The following TRPC5 variants were observed in gnomAD, a reference collection of about 807,000 sequenced individuals.
The protein encoded by TRPC5 is transient receptor potential cation channel subfamily C member 5, also known as short transient receptor potential channel 5.
TRPC5 carries 9 observed loss-of-function variants against 56.5 expected under a neutral mutation model. That is an observed-to-expected ratio of 0.16 (90% CI 0.10 to 0.28). The LOEUF (loss-of-function observed/expected upper bound fraction) is 0.28, where lower values mean the gene tolerates loss of function less well. Among genes scored for constraint, TRPC5 ranks in the 10% least tolerant of loss-of-function variants. TRPC5 has a pLI of 1.00. For synonymous variants in TRPC5, 282 were observed against 278.5 expected (o/e 1.01, Z -0.13); for missense variants, 469 against 748.9 (o/e 0.63, Z 4.36).
chrX:112,071,309 AAAATAAATAAATAAAT>A (rs199726256), intron 1 of TRPC5, among the ~76,000 whole-genome samples: 9,235 of 105,124 alleles, frequency 0.088, 1,117 homozygotes, highest in African/African-American at 0.31. Context: ...CCCTGTCTCA[AAAATAAATAAATAAAT>A]AAATAAATAA....
chrX:111,989,758 C>A (rs1010027398), intron 1 of TRPC5, among the ~76,000 whole-genome samples: 1 of 112,109 alleles, frequency 8.9e-6, no homozygotes, highest in Non-Finnish European at 1.9e-5. Context: ...GAATACTGAA[C>A]TGCAGTTAAA....
chrX:112,029,784 T>C (rs1278243351), intron 1 of TRPC5, among the ~76,000 whole-genome samples: 1 of 110,694 alleles, frequency 9.0e-6, no homozygotes, highest in African/African-American at 3.3e-5. Context: ...TACTCAAAAT[T>C]AGAAGAAAGG....
intron 1 of TRPC5, among the ~76,000 whole-genome samples, chrX:112,079,305 T>G (rs746927084): frequency 8.9e-6 from 1 of 112,147 alleles, no homozygotes; most frequent in Non-Finnish European, 1.9e-5. Flanking sequence ...CAGGAAAGCA[T>G]CATGACACAT....
chrX:111,847,857 A>G (rs1922976103), intron 5 of TRPC5, among the ~76,000 whole-genome samples: 2 of 110,608 alleles, frequency 1.8e-5, no homozygotes, highest in African/African-American at 6.6e-5. Context: ...TACTTCCTCA[A>G]TCCCTCACTG....
At chrX:111,884,407 G>A (rs752124251) in intron 3 of TRPC5, among the ~76,000 whole-genome samples, 5 of 112,198 alleles carry the variant, frequency 4.5e-5, no homozygotes, top group African/African-American at 6.5e-5. Flanking sequence ...GTATACCCAG[G>A]GCCCAAGCCT....
At position 111,793,654 on chromosome X, in the gene TRPC5, T is replaced by C. The variant is rs145853160; in HGVS notation, c.1897-11516A>G. 5.5e-3 allele frequency among the ~76,000 whole-genome samples: 614 copies of C among 111,946 alleles called. 6 individuals carry two copies. The highest frequency in any genetic ancestry group is 0.018 in the African/African-American group (547 of 30,822). On this transcript the variant is annotated intron_variant, in intron 7 of 10. Coordinates refer to ENST00000262839, the MANE Select transcript of TRPC5 (RefSeq NM_012471.3). ...GAAAGCAGTATGGTTGCTACTCAAA[T>C]TGTTAAACATAGAGCTACCACATGA...
At chrX:111,944,477 A>G (rs144764395) in intron 2 of TRPC5, among the ~76,000 whole-genome samples, 12 of 110,808 alleles carry the variant, frequency 1.1e-4, no homozygotes, top group Non-Finnish European at 2.3e-4. Context: ...GTTTAGACAA[A>G]TATTTCTCAT....
chrX:111,867,087 T>C (rs765932394), intron 3 of TRPC5, among the ~76,000 whole-genome samples: 35 of 111,510 alleles, frequency 3.1e-4, no homozygotes, highest in African/African-American at 1.1e-3. Context: ...AGGACAATAA[T>C]GTTTGTGTTC....
intron 1 of TRPC5, among the ~76,000 whole-genome samples, chrX:111,960,539 G>C (rs1927350747): frequency 8.9e-6 from 1 of 112,039 alleles, no homozygotes; most frequent in Non-Finnish European, 1.9e-5. Context: ...GATATTCTTT[G>C]AAGTAGTCAA....
chrX:111,969,678 A>G (rs1927724819), intron 1 of TRPC5, among the ~76,000 whole-genome samples: 1 of 111,072 alleles, frequency 9.0e-6, no homozygotes, highest in South Asian at 3.8e-4. Flanking sequence ...AACTTTTATT[A>G]TATGTGGGGT....
intron 2 of TRPC5, among the ~76,000 whole-genome samples, chrX:111,928,212 C>T (rs1926312055): frequency 9.0e-6 from 1 of 111,130 alleles, no homozygotes; most frequent in African/African-American, 3.3e-5. Flanking sequence ...ACACAATGGC[C>T]AGGATTAAAT....
intron 6 of TRPC5, among the ~76,000 whole-genome samples, chrX:111,844,072 A>G (rs6567983): frequency 0.13 from 13,938 of 109,336 alleles, 2,130 homozygotes; most frequent in African/African-American, 0.43. Flanking sequence ...ACTCCTAGGA[A>G]TCTGGTTAGT....
intron 1 of TRPC5, among the ~76,000 whole-genome samples, chrX:111,995,559 C>T (rs1174034865): frequency 9.0e-6 from 1 of 111,041 alleles, no homozygotes; most frequent in Admixed American, 9.6e-5. Flanking sequence ...CTCTTTGTAC[C>T]TCTGGTAGAA....
intron 6 of TRPC5, among the ~76,000 whole-genome samples, chrX:111,844,895 A>G (rs781555856): frequency 9.0e-6 from 1 of 111,397 alleles, no homozygotes; most frequent in East Asian, 2.8e-4. Context: ...CTCTAAAAGC[A>G]GAATCTTTCT....
intron 2 of TRPC5, among the ~76,000 whole-genome samples, chrX:111,929,914 C>A (rs913044150): frequency 2.7e-5 from 3 of 111,881 alleles, no homozygotes; most frequent in African/African-American, 6.5e-5. Context: ...ATATACACTG[C>A]AAAATCACAG....
chrX:112,078,229 G>T (rs1169642153), intron 1 of TRPC5, among the ~76,000 whole-genome samples: 4 of 111,882 alleles, frequency 3.6e-5, no homozygotes, highest in Non-Finnish European at 7.5e-5. Context: ...GTGTGTGTGT[G>T]TTAGGGGGAG....
intron 2 of TRPC5, among the ~76,000 whole-genome samples, 196 bp from the exon 3 acceptor site, chrX:111,913,008 T>G (rs1331353984): frequency 8.9e-6 from 1 of 111,906 alleles, no homozygotes; most frequent in African/African-American, 3.3e-5. Context: ...TCTAAGCACA[T>G]TACATGTCTT....
At chrX:111,889,387 G>A (rs1010906896) in intron 3 of TRPC5, among the ~76,000 whole-genome samples, 3 of 112,139 alleles carry the variant, frequency 2.7e-5, no homozygotes, top group Non-Finnish European at 3.8e-5. Flanking sequence ...GAGAAATTTT[G>A]TTCCCATTGA....
intron 7 of TRPC5, among the ~76,000 whole-genome samples, chrX:111,817,480 C>T (rs1302383833): frequency 9.1e-6 from 1 of 109,766 alleles, no homozygotes; most frequent in African/African-American, 3.3e-5. Context: ...CGCCCATCAC[C>T]ACACCCAGAT....
Sources: allele counts gnomAD v4.1 joint callset (sites outside exome capture counted in the v4.1 genomes callset), GRCh38; gene constraint gnomAD v4.1.1; transcripts MANE v1.5; gene names NCBI Gene and HGNC (gene_info 2026-07-23, HGNC 2026-07-21).